The following MBNL3 variants were observed in gnomAD, a reference collection of about 807,000 sequenced individuals.
MBNL3 encodes the protein muscleblind like splicing regulator 3.
MBNL3 carries 6 observed loss-of-function variants against 24.5 expected under a neutral mutation model. The ratio of observed to expected loss-of-function variants is 0.25; its 90% CI spans 0.13 to 0.48. The LOEUF (loss-of-function observed/expected upper bound fraction) is 0.48. Among genes scored for constraint, MBNL3 ranks in the 20% least tolerant of loss-of-function variants. MBNL3 has a pLI of 0.99. For missense variants in MBNL3, 230 were observed against 293.5 expected (o/e 0.78, Z 1.58); for synonymous variants, 100 against 101.7 (o/e 0.98, Z 0.10).
chrX:132,446,973 C>G (rs1945757939), intron 1 of MBNL3, among the ~76,000 whole-genome samples: 1 of 111,814 alleles, frequency 8.9e-6, no homozygotes, highest in African/African-American at 3.3e-5. Flanking sequence ...ATATGGCTAG[C>G]CAGTTTTCTC....
At chrX:132,411,389 C>A in intron 2 of MBNL3, 1 of 754,181 alleles carries the variant, frequency 1.3e-6, no homozygotes, top group Non-Finnish European at 1.6e-6. Flanking sequence ...CTGGGCTCAA[C>A]AATCACACTT....
intron 2 of MBNL3, among the ~76,000 whole-genome samples, chrX:132,420,978 A>G (rs1371167580): frequency 2.7e-5 from 3 of 112,225 alleles, no homozygotes; most frequent in Non-Finnish European, 5.6e-5. Context: ...GTTCCCAAGA[A>G]GAAATGAATT....
chrX:132,410,370 A>G (rs1305781324), intron 2 of MBNL3, among the ~76,000 whole-genome samples: 1 of 111,620 alleles, frequency 9.0e-6, no homozygotes, highest in Non-Finnish European at 1.9e-5. Flanking sequence ...CCTACCATAC[A>G]TCAGAATAAG....
intron 2 of MBNL3, among the ~76,000 whole-genome samples, chrX:132,423,965 A>C: frequency 8.9e-6 from 1 of 112,113 alleles, no homozygotes; most frequent in East Asian, 2.8e-4. Flanking sequence ...TCTTCCCAAA[A>C]GGCTTCAAAA....
intron 2 of MBNL3, among the ~76,000 whole-genome samples, chrX:132,416,530 G>C (rs766280894): frequency 5.4e-5 from 6 of 110,923 alleles, no homozygotes; most frequent in Admixed American, 4.8e-4. Context: ...AGCACAATAG[G>C]GTGACTATAG....
At chrX:132,394,939 A>T (rs1569421977) in intron 3 of MBNL3, among the ~76,000 whole-genome samples, 2 of 112,190 alleles carry the variant, frequency 1.8e-5, no homozygotes, top group Non-Finnish European at 3.8e-5. Context: ...TACTGAAAGT[A>T]TTTAGATTTT....
At chrX:132,396,360 C>A (rs59554445) in intron 3 of MBNL3, among the ~76,000 whole-genome samples, 12,619 of 77,272 alleles carry the variant, frequency 0.16, 1,151 homozygotes, top group African/African-American at 0.24. Flanking sequence ...ATATATATTC[C>A]TATATATATT....
intron 4 of MBNL3, among the ~76,000 whole-genome samples, chrX:132,391,914 C>T (rs1459159628): frequency 2.7e-5 from 3 of 111,966 alleles, no homozygotes; most frequent in South Asian, 3.7e-4. Flanking sequence ...CCTGTGCCAT[C>T]GCACAGTCTA....
At chrX:132,387,202 G>A (rs1212425826) in intron 5 of MBNL3, among the ~76,000 whole-genome samples, 4 of 101,827 alleles carry the variant, frequency 3.9e-5, no homozygotes, top group African/African-American at 1.1e-4. Flanking sequence ...AGCCCAGGAC[G>A]TCAAGACTGC....
chrX:132,449,231 T>C (rs1328095211), intron 1 of MBNL3, among the ~76,000 whole-genome samples: 2 of 111,279 alleles, frequency 1.8e-5, no homozygotes, highest in Non-Finnish European at 3.8e-5. Context: ...ATATTGACAG[T>C]GGGGTGTTAA....
chrX:132,399,106 C>A (rs1940374993), intron 3 of MBNL3, among the ~76,000 whole-genome samples: 1 of 111,283 alleles, frequency 9.0e-6, no homozygotes, highest in South Asian at 3.7e-4. Context: ...GATTCCTAAA[C>A]CATTAATTAA....
intron 1 of MBNL3, among the ~76,000 whole-genome samples, chrX:132,483,178 T>C (rs1254415613): frequency 8.9e-6 from 1 of 111,888 alleles, no homozygotes; most frequent in Admixed American, 9.4e-5. Flanking sequence ...CAGCAAACAA[T>C]TTTTAAAATA....
chrX:132,413,716 G>T (rs989937323), intron 2 of MBNL3: 5 of 694,667 alleles, frequency 7.2e-6, no homozygotes, highest in Non-Finnish European at 1.0e-5. Flanking sequence ...CACCGGTGGC[G>T]CAACAGTATA....
rs1158476678 is a variant in MBNL3 at position 132,376,397 on chromosome X, T to A, written c.*3269A>T. 1 of 111,784 alleles carries A rather than the reference T, an allele frequency of 8.9e-6. No individual in the cohort carries two copies. Among genetic ancestry groups the A allele is most frequent in the Non-Finnish European group, 1.9e-5 (1 of 52,984 alleles). The allele number at this position is 111,784 out of a possible 1,213,427, so 9.2% of individuals were successfully genotyped here. A position where few individuals can be genotyped will look rare whatever the true frequency, so the allele number is the denominator to read the frequency against. On this transcript the variant is annotated 3_prime_UTR_variant, in exon 9 of 9. Transcript: ENST00000370853. The stretch of plus-strand genomic sequence containing the variant: ...TCTTTAAAATATACGTATGTTATGG[T>A]CACATAGTACTTTTTTAAAAAGTTG...
In MBNL3 at chrX:132,377,357, T is replaced by C. The variant is rs995983856; in HGVS notation, c.*2309A>G. On this transcript the variant is annotated 3_prime_UTR_variant, in exon 9 of 9. Transcript: ENST00000370853. The stretch of plus-strand genomic sequence containing the variant: ...GAAATTAACTGGTTCAAAGAGTCCA[T>C]AGGTAAAGGTCAGGACAACTCTTGA... 4.5e-5 allele frequency: 5 copies of C among 111,570 alleles called. No individual in the cohort carries two copies. Among genetic ancestry groups the C allele is most frequent in the East Asian group, 2.8e-4 (1 of 3,541 alleles). The allele number at this position is 111,570 out of a possible 1,213,427, so 9.2% of individuals were successfully genotyped here. A position where few individuals can be genotyped will look rare whatever the true frequency, so the allele number is the denominator to read the frequency against.
chrX:132,389,992 A>G (rs1936832708), intron 5 of MBNL3, among the ~76,000 whole-genome samples: 2 of 109,605 alleles, frequency 1.8e-5, no homozygotes, highest in Non-Finnish European at 3.8e-5. Context: ...CAGAAGTTCA[A>G]GACCAGCCTG....
At chrX:132,423,498 C>T (rs1201207588) in intron 2 of MBNL3, among the ~76,000 whole-genome samples, 1 of 111,006 alleles carries the variant, frequency 9.0e-6, no homozygotes. Flanking sequence ...CTTTCCAGAT[C>T]GATTAGGCAA....
intron 1 of MBNL3, among the ~76,000 whole-genome samples, chrX:132,462,189 T>C (rs1368316823): frequency 3.6e-5 from 4 of 111,764 alleles, no homozygotes; most frequent in Non-Finnish European, 7.5e-5. Flanking sequence ...TAAATCTCAA[T>C]CTCTTTCCCA....
chrX:132,453,084 G>A (rs776845364), intron 1 of MBNL3, among the ~76,000 whole-genome samples: 7 of 111,845 alleles, frequency 6.3e-5, no homozygotes, highest in Non-Finnish European at 1.1e-4. Flanking sequence ...GGCACCTGGC[G>A]TGTGTAGGAT....
Sources: allele counts gnomAD v4.1 joint callset (sites outside exome capture counted in the v4.1 genomes callset), GRCh38; gene constraint gnomAD v4.1.1; transcripts MANE v1.5; gene names NCBI Gene and HGNC (gene_info 2026-07-23, HGNC 2026-07-21).